The following LRRC37A2 variants were observed in gnomAD, a reference collection of about 807,000 sequenced individuals.
LRRC37A2 encodes leucine rich repeat containing 37 member A2.
Under a neutral mutation model 68.8 loss-of-function variants are expected in LRRC37A2, and 9 were observed. The ratio of observed to expected loss-of-function variants is 0.13; its 90% CI spans 0.08 to 0.23. The LOEUF (loss-of-function observed/expected upper bound fraction) is 0.23, where lower values mean the gene tolerates loss of function less well. Ranked by LOEUF, LRRC37A2 falls within the 10% of genes least tolerant of loss-of-function variation. The pLI is 1.00. For synonymous variants in LRRC37A2, 63 were observed against 367.6 expected (o/e 0.17, Z 9.48); for missense variants, 168 against 950.4 (o/e 0.18, Z 10.82).
At chr17:46,894,121 C>G in the LRRC37A2 span, among the ~76,000 whole-genome samples, 6 of 152,342 alleles carry the variant, frequency 3.9e-5, no homozygotes, top group South Asian at 1.2e-3. Flanking sequence ...TGAAACACCT[C>G]GAACATACAA....
chr17:46,873,274 T>C, the LRRC37A2 span, among the ~76,000 whole-genome samples: 1 of 151,990 alleles, frequency 6.6e-6, no homozygotes, highest in Non-Finnish European at 1.5e-5. Context: ...CTCCTTCCCT[T>C]CCACTCCCAT....
At chr17:46,773,616 T>TGGGGGGG in the LRRC37A2 span, 1 of 997,790 alleles carries the variant, frequency 1.0e-6, no homozygotes. Flanking sequence ...CATACAGTCC[T>TGGGGGGG]GATCCCTCCC....
At chr17:46,486,988 T>G in the LRRC37A2 span, 13 of 643,096 alleles carry the variant, frequency 2.0e-5, 4 homozygotes, top group African/African-American at 2.3e-4. Flanking sequence ...ATTGAATATA[T>G]TCTTAACTAT....
chr17:46,976,592 C>T, the LRRC37A2 span, among the ~76,000 whole-genome samples: 236 of 152,154 alleles, frequency 1.6e-3, 1 homozygote, highest in Middle Eastern at 3.4e-3. Flanking sequence ...ACTCTTGACT[C>T]GTTCTCTTCT....
the LRRC37A2 span, chr17:46,885,369 C>A: frequency 5.2e-6 from 1 of 192,562 alleles, no homozygotes; most frequent in Non-Finnish European, 1.1e-5. Flanking sequence ...CTGGCATGAT[C>A]TCTGCTCACT....
the LRRC37A2 span, among the ~76,000 whole-genome samples, chr17:46,965,663 C>T: frequency 3.9e-5 from 6 of 152,168 alleles, no homozygotes; most frequent in African/African-American, 1.4e-4. Flanking sequence ...CACTTTGTCA[C>T]CTAGGCTGGA....
At chr17:46,966,568 C>T in the LRRC37A2 span, 24 of 694,612 alleles carry the variant, frequency 3.5e-5, no homozygotes, top group African/African-American at 3.5e-4. Context: ...AGAATGGACC[C>T]GAACTCCTGA....
the LRRC37A2 span, among the ~76,000 whole-genome samples, chr17:46,722,479 C>T: frequency 2.6e-5 from 4 of 152,190 alleles, no homozygotes; most frequent in Non-Finnish European, 5.9e-5. Context: ...AGTACCTCTC[C>T]TCCTGCTGGG....
the LRRC37A2 span, among the ~76,000 whole-genome samples, chr17:46,661,049 T>C: frequency 1.2e-5 from 1 of 85,808 alleles, no homozygotes; most frequent in East Asian, 5.6e-4. Context: ...GGAGTCATGA[T>C]ACATCTATCC....
the LRRC37A2 span, among the ~76,000 whole-genome samples, chr17:46,800,133 T>G: frequency 6.6e-6 from 1 of 152,168 alleles, no homozygotes; most frequent in East Asian, 1.9e-4. Context: ...TTATTGGAGA[T>G]GGAGTCTCAC....
chr17:46,598,635 CG>C, the LRRC37A2 span, among the ~76,000 whole-genome samples: 1 of 151,918 alleles, frequency 6.6e-6, no homozygotes, highest in Non-Finnish European at 1.5e-5. Flanking sequence ...TAAAATTTGT[CG>C]AATCTAGTGT....
the LRRC37A2 span, among the ~76,000 whole-genome samples, chr17:46,828,013 T>C: frequency 6.6e-6 from 1 of 151,626 alleles, no homozygotes; most frequent in Admixed American, 6.6e-5. Context: ...GGTTTCACCA[T>C]GTTAGCCAGG....
the LRRC37A2 span, among the ~76,000 whole-genome samples, chr17:46,806,584 T>C: frequency 6.6e-6 from 1 of 152,130 alleles, no homozygotes; most frequent in African/African-American, 2.4e-5. Context: ...TCCAGGACAG[T>C]GCAGAGGTCA....
chr17:46,780,389 A>T, the LRRC37A2 span, among the ~76,000 whole-genome samples: 1 of 152,188 alleles, frequency 6.6e-6, no homozygotes, highest in African/African-American at 2.4e-5. Flanking sequence ...CCTCTCCCCT[A>T]CATACAGAAC....
chr17:47,009,712 G>A, the LRRC37A2 span, among the ~76,000 whole-genome samples: 2 of 152,332 alleles, frequency 1.3e-5, no homozygotes, highest in South Asian at 4.1e-4. Flanking sequence ...CGCCCCGGCA[G>A]GCCTCCTGTC....
chr17:47,007,033 T>C, the LRRC37A2 span, among the ~76,000 whole-genome samples: 1 of 152,360 alleles, frequency 6.6e-6, no homozygotes, highest in Admixed American at 6.5e-5. Flanking sequence ...TTTGCCTCAG[T>C]TGCATAGAAG....
At chr17:46,794,876 G>A in the LRRC37A2 span, among the ~76,000 whole-genome samples, 3 of 151,360 alleles carry the variant, frequency 2.0e-5, no homozygotes, top group South Asian at 2.1e-4. Context: ...TCAGCCTTCC[G>A]AGTAGCTGGA....
chr17:46,890,256 G>T, the LRRC37A2 span, among the ~76,000 whole-genome samples: 1 of 152,172 alleles, frequency 6.6e-6, no homozygotes, highest in Non-Finnish European at 1.5e-5. Context: ...AAATTTTTGT[G>T]GTTTCCCAAC....
chr17:46,681,548 T>C, the LRRC37A2 span, among the ~76,000 whole-genome samples: 1 of 145,322 alleles, frequency 6.9e-6, no homozygotes, highest in African/African-American at 2.7e-5. Flanking sequence ...CTCAGAAATA[T>C]AACATCTCGT....
Sources: allele counts gnomAD v4.1 joint callset (sites outside exome capture counted in the v4.1 genomes callset), GRCh38; gene constraint gnomAD v4.1.1; transcripts MANE v1.5; gene names NCBI Gene and HGNC (gene_info 2026-07-23, HGNC 2026-07-21).